Variants in UBE4A observed in about 807,000 individuals in gnomAD.
UBE4A encodes the protein ubiquitin conjugation factor E4 A.
In UBE4A, 48 loss-of-function variants were observed where a neutral mutation model predicts 117.9. That is an observed-to-expected ratio of 0.41 (90% CI 0.32 to 0.52). UBE4A has a LOEUF of 0.52. Ranked by LOEUF, UBE4A falls within the 20% of genes least tolerant of loss-of-function variation. The pLI, the probability that UBE4A is intolerant of heterozygous loss-of-function variation, is 0.33. For synonymous variants in UBE4A, 407 were observed against 450.0 expected, an observed-to-expected ratio of 0.90 and a Z score of 1.21; for missense variants, 1,067 against 1,296.3, an observed-to-expected ratio of 0.82 and a Z score of 2.72.
In UBE4A at chr11:118,365,999, T is replaced by G. The variant is rs554029208; in HGVS notation, c.121+798T>G. Among the ~76,000 whole-genome samples, 12 of 151,984 alleles carry G rather than the reference T, an allele frequency of 7.9e-5. No homozygotes were observed. The East Asian group carries it at 2.3e-3, about 29-fold the overall frequency. The stretch of plus-strand genomic sequence containing the variant: ...CCCCTTCTCCTCTCTCCGAAAAGAA[T>G]AATAGTGTTTTTCTTTTGAGAGAAG... On this transcript the variant is annotated intron_variant, in intron 2 of 19. Coordinates refer to ENST00000252108, the MANE Select transcript of UBE4A (RefSeq NM_001204077.2).
intron 9 of UBE4A, 27 bp downstream of exon 9, chr11:118,375,256 CTGTGTGTG>C (rs61368823): frequency 4.1e-6 from 6 of 1,475,934 alleles, no homozygotes; most frequent in Admixed American, 1.9e-5. Flanking sequence ...CTTCTCAAAA[CTGTGTGTG>C]TGTGTGTGTG....
rs1948875845 is a variant in UBE4A, at chr11:118,396,542, TTTTTC to T, written c.*107_*111del. The T allele has an allele frequency of 3.8e-6, 5 of 1,310,998 alleles. No individual in the cohort carries two copies. The highest frequency in any genetic ancestry group is 5.1e-6 in the Non-Finnish European group (5 of 988,598). 81.2% of individuals were successfully genotyped at this position (1,310,998 alleles called of 1,614,324 possible). A position where few individuals can be genotyped will look rare whatever the true frequency, so the allele number is the denominator to read the frequency against. ...TCTGTTCCTTTTCTTTCTTCTTTTCTTTTTCTTTTTTTTTTTTTTTTTTACTAAAT... is the reference window on the plus strand; with the variant it reads ...TCTGTTCCTTTTCTTTCTTCTTTTCTTTTTTTTTTTTTTTTTTTACTAAAT... On this transcript the variant is annotated 3_prime_UTR_variant, in exon 20 of 20. Coordinates refer to ENST00000252108, the MANE Select transcript of UBE4A (RefSeq NM_001204077.2).
chr11:118,372,788 C>T, intron 6 of UBE4A, 122 bp downstream of exon 6: 1 of 1,411,948 alleles, frequency 7.1e-7, no homozygotes, highest in Non-Finnish European at 9.7e-7. Flanking sequence ...GAGGAGGGCT[C>T]ACATCTTGAT....
chr11:118,394,698 T>C (rs1386653178), intron 19 of UBE4A, among the ~76,000 whole-genome samples: 2 of 149,578 alleles, frequency 1.3e-5, no homozygotes, highest in Non-Finnish European at 3.0e-5. Context: ...CACTGGAACC[T>C]GGGAGGCAGA....
chr11:118,376,724 C>A (rs1948655760), intron 10 of UBE4A, 30 bp downstream of exon 10: 5 of 1,609,504 alleles, frequency 3.1e-6, no homozygotes, highest in Non-Finnish European at 4.2e-6. Flanking sequence ...TAGGAAAAAA[C>A]AGTTTAGTTG....
At chr11:118,391,856 G>A (rs1417482915) in intron 18 of UBE4A, among the ~76,000 whole-genome samples, 1 of 151,850 alleles carries the variant, frequency 6.6e-6, no homozygotes, top group African/African-American at 2.4e-5. Flanking sequence ...GCACATTTAT[G>A]TAAGATGTTT....
intron 8 of UBE4A, among the ~76,000 whole-genome samples, 169 bp downstream of exon 8, chr11:118,373,854 C>T (rs1410549419): frequency 6.6e-6 from 1 of 152,178 alleles, no homozygotes; most frequent in Non-Finnish European, 1.5e-5. Context: ...AGCCTGTAAT[C>T]CCGGCACTTT....
chr11:118,394,167 A>AT (rs1158174499), intron 19 of UBE4A, among the ~76,000 whole-genome samples: 1 of 151,502 alleles, frequency 6.6e-6, no homozygotes, highest in East Asian at 2.0e-4. Flanking sequence ...TTATTTATCT[A>AT]TTTTTTTGAG....
Position 118,372,509 on chromosome 11 carries a change from T to C in UBE4A, c.564T>C (p.Ile188=). 1 of 1,600,832 alleles carries C rather than the reference T, an allele frequency of 6.2e-7. No homozygotes were observed. The highest frequency in any genetic ancestry group is 8.5e-7 in the Non-Finnish European group (1 of 1,176,594). The change falls in exon 6 of 20, where the codon ATT becomes ATC. Residue 188 remains isoleucine (I), a splice_region_variant and synonymous_variant. Transcript: ENST00000252108. ...TCTTTTCTTCATGCTGTTTGCAGATTACCAAAGTTCCAGAGAACCTGCTAC... is the reference window on the plus strand; with the variant it reads ...TCTTTTCTTCATGCTGTTTGCAGATCACCAAAGTTCCAGAGAACCTGCTAC... ...YSCFQRAKEE[I]TKVPENLLPF...
chr11:118,379,743 T>C lies in UBE4A; in HGVS notation c.1869T>C (p.Tyr623=). Residue 623 remains tyrosine, a synonymous_variant, in exon 11 of 20, where the codon TAT becomes TAC. Transcript: ENST00000252108. ...CAGATGGCTACAGCTCTTTGGCTTA[T>C]GTGCCAGGTAAGCAGGCTCTCCCTT... is the stretch of plus-strand genomic sequence containing the variant. ...PLPDGYSSLA[Y]VPEFFADNLG... The C allele has an allele frequency of 1.2e-6, 2 of 1,606,302 alleles. No homozygotes were observed. Among genetic ancestry groups the C allele is most frequent in the South Asian group, 1.1e-5 (1 of 90,982 alleles).
intron 6 of UBE4A, 79 bp from the exon 7 acceptor site, chr11:118,373,007 A>T (rs1041047957): frequency 1.6e-5 from 19 of 1,207,504 alleles, no homozygotes; most frequent in South Asian, 8.9e-5. Context: ...AAAAAGAATT[A>T]TTGAAAGTAA....
chr11:118,370,474 A>G (rs2134090200), intron 4 of UBE4A, among the ~76,000 whole-genome samples: 1 of 152,214 alleles, frequency 6.6e-6, no homozygotes, highest in African/African-American at 2.4e-5. Context: ...ACAAAGAATT[A>G]ACTGGGTGTG....
rs1948607726 is a variant in UBE4A, at chr11:118,371,422, C to T, written c.409-92C>T. ...TCTACATTCAAATCTGTGATTCTTG[C>T]TAATAACCTGTGTCAGAATTACCTT... is the stretch of plus-strand genomic sequence containing the variant. On this transcript the variant is annotated intron_variant, in intron 4 of 19. Transcript: ENST00000252108. The T allele has an allele frequency of 4.2e-6, 6 of 1,424,922 alleles. No homozygotes were observed. In the South Asian group the frequency reaches 8.7e-5, roughly 21 times the overall value. 88.3% of individuals were successfully genotyped at this position (1,424,922 alleles called of 1,614,324 possible). A position where few individuals can be genotyped will look rare whatever the true frequency, so the allele number is the denominator to read the frequency against.
chr11:118,382,474 C>CT (rs1332195753), intron 12 of UBE4A, 115 bp from the exon 13 acceptor site: 107 of 777,020 alleles, frequency 1.4e-4, no homozygotes, highest in East Asian at 1.2e-3. Flanking sequence ...GAAGTGGATC[C>CT]TTTTTTTTCC....
chr11:118,363,806 T>TG (rs1222801482), intron 1 of UBE4A, among the ~76,000 whole-genome samples: 1 of 151,948 alleles, frequency 6.6e-6, no homozygotes, highest in African/African-American at 2.4e-5. Context: ...TTAGTAGAGA[T>TG]GGGGTTTCAC....
At chr11:118,394,772 CAAAAA>C (rs201405273) in intron 19 of UBE4A, among the ~76,000 whole-genome samples, 43 of 105,600 alleles carry the variant, frequency 4.1e-4, no homozygotes, top group East Asian at 2.3e-4. Flanking sequence ...AGACTCGTCT[CAAAAA>C]AAAAAAAAAA....
chr11:118,387,334 A>G (rs1948768913), intron 16 of UBE4A, among the ~76,000 whole-genome samples: 1 of 152,216 alleles, frequency 6.6e-6, no homozygotes, highest in Non-Finnish European at 1.5e-5. Context: ...AATGAAAGAG[A>G]TTATTTGAAG....
chr11:118,379,342 T>G, intron 10 of UBE4A, 104 bp from the exon 11 acceptor site: 1 of 1,297,966 alleles, frequency 7.7e-7, no homozygotes, highest in Non-Finnish European at 1.1e-6. Context: ...CAACTGCAAC[T>G]CCCTACTATC....
Position 118,386,554 on chromosome 11 carries a change from A to G in UBE4A, c.2529A>G (p.Ala843=), listed in dbSNP as rs1555127278. The G allele has an allele frequency of 1.9e-6, 3 of 1,603,234 alleles. No homozygotes were observed. Among genetic ancestry groups the G allele is most frequent in the Non-Finnish European group, 2.6e-6 (3 of 1,176,340 alleles). The stretch of plus-strand genomic sequence containing the variant: ...GCCTACAGATGTTTGGACAGCTGGC[A>G]CGTTTCCATAACATCATGTCCAATG... The part of the protein sequence containing the change: ...EAGLQMFGQL[A]RFHNIMSNET... Residue 843 remains alanine (A), a synonymous_variant, in exon 16 of 20, where the codon GCA becomes GCG. Coordinates refer to ENST00000252108, the MANE Select transcript of UBE4A (RefSeq NM_001204077.2).
Sources: allele counts gnomAD v4.1 joint callset (sites outside exome capture counted in the v4.1 genomes callset), GRCh38; gene constraint gnomAD v4.1.1; transcripts MANE v1.5; gene names NCBI Gene and HGNC (gene_info 2026-07-23, HGNC 2026-07-21).